FMN1: variants seen among roughly 807,000 people sequenced by gnomAD.
FMN1 encodes the protein formin-1.
FMN1 carries 110 observed loss-of-function variants against 132.4 expected under a neutral mutation model. That is an observed-to-expected ratio of 0.83 (90% confidence interval 0.71 to 0.97). The LOEUF is 0.97. Ranked by LOEUF, FMN1 falls within the 50% of genes least tolerant of loss-of-function variation. The pLI is 0.00. For missense variants in FMN1, 1,792 were observed against 1,705.3 expected (o/e 1.05, Z -0.90); for synonymous variants, 722 against 651.7 (o/e 1.11, Z -1.64).
Position 32,790,119 on chromosome 15 carries a change from G to A in FMN1, c.4130+8685C>T, listed in dbSNP as rs11856673. ...TGCAAATACACAAGAGACTGGAGTA[G>A]ACCAAGCACTCAAAGGAGGAAGCAC... On this transcript the variant is annotated intron_variant, in intron 19 of 20. Transcript: ENST00000616417. Among the ~76,000 whole-genome samples, 443 of 152,346 alleles carry A rather than the reference G, an allele frequency of 2.9e-3. 4 individuals are homozygous for A. Among genetic ancestry groups the A allele is most frequent in the African/African-American group, 0.01 (424 of 41,584 alleles).
chr15:32,901,243 C>A (rs140813365), intron 13 of FMN1, among the ~76,000 whole-genome samples: 1 of 152,066 alleles, frequency 6.6e-6, no homozygotes, highest in African/African-American at 2.4e-5. Flanking sequence ...ATTATTAGTG[C>A]GTGTATAATT....
intron 17 of FMN1, among the ~76,000 whole-genome samples, chr15:32,851,692 A>C (rs551652796): frequency 6.6e-6 from 1 of 152,254 alleles, no homozygotes; most frequent in Non-Finnish European, 1.5e-5. Flanking sequence ...AGTTTTGTCA[A>C]ATAACACTAT....
chr15:32,964,932 T>C (rs1376047699), intron 8 of FMN1, among the ~76,000 whole-genome samples: 1 of 152,084 alleles, frequency 6.6e-6, no homozygotes, highest in Non-Finnish European at 1.5e-5. Context: ...AACTGGGCTG[T>C]TTCATCTTCC....
intron 6 of FMN1, chr15:33,064,288 C>T (rs2037616590): frequency 6.6e-6 from 1 of 152,200 alleles, no homozygotes; most frequent in Non-Finnish European, 1.5e-5. Context: ...TATATACACA[C>T]ACATGCAATT....
chr15:33,190,601 TGTTTAACAACA>T (rs1966041064), intron 2 of FMN1, among the ~76,000 whole-genome samples: 1 of 151,886 alleles, frequency 6.6e-6, no homozygotes, highest in Non-Finnish European at 1.5e-5. Context: ...GCTAAAGGAG[TGTTTAACAACA>T]AGCACTGCTG....
At chr15:33,111,158 CTCTATAAA>C in intron 4 of FMN1, among the ~76,000 whole-genome samples, 1 of 152,220 alleles carries the variant, frequency 6.6e-6, no homozygotes, top group East Asian at 1.9e-4. Context: ...TGCACATGCC[CTCTATAAA>C]TCACACTGAT....
intron 7 of FMN1, among the ~76,000 whole-genome samples, chr15:32,986,160 T>A (rs1260400892): frequency 6.6e-6 from 1 of 152,102 alleles, no homozygotes; most frequent in Non-Finnish European, 1.5e-5. Context: ...ACCAAAAATA[T>A]CCAGTTATGG....
intron 5 of FMN1, chr15:33,068,140 C>T: frequency 4.3e-6 from 3 of 700,008 alleles, no homozygotes; most frequent in Non-Finnish European, 6.2e-6. Flanking sequence ...AGGCTGCGCA[C>T]CTTACTACAC....
At chr15:32,910,212 G>A (rs985723187) in intron 11 of FMN1, among the ~76,000 whole-genome samples, 11 of 152,164 alleles carry the variant, frequency 7.2e-5, no homozygotes, top group Non-Finnish European at 1.6e-4. Flanking sequence ...GACAGGACTG[G>A]GTTCCAGGGC....
intron 9 of FMN1, among the ~76,000 whole-genome samples, chr15:32,942,139 A>G (rs150272148): frequency 6.6e-6 from 1 of 152,352 alleles, no homozygotes; most frequent in Non-Finnish European, 1.5e-5. Context: ...GTACTATTAC[A>G]TCGCCTAAGG....
chr15:32,811,548 A>G (rs2057878535), intron 17 of FMN1, among the ~76,000 whole-genome samples: 1 of 151,970 alleles, frequency 6.6e-6, no homozygotes, highest in Non-Finnish European at 1.5e-5. Context: ...AAAAAAAAAA[A>G]TCCAGTTAAA....
At chr15:33,142,844 G>C (rs2468751) in intron 4 of FMN1, among the ~76,000 whole-genome samples, 31,354 of 152,140 alleles carry the variant, frequency 0.21, 4,077 homozygotes, top group East Asian at 0.61. Flanking sequence ...TGGCCTTCTA[G>C]TTCACCAATG....
chr15:32,928,743 AT>A (rs1193774922), intron 9 of FMN1, among the ~76,000 whole-genome samples: 1 of 152,226 alleles, frequency 6.6e-6, no homozygotes, highest in African/African-American at 2.4e-5. Flanking sequence ...ACAGGATCAA[AT>A]TTATGACAAG....
rs908628522 is a variant in FMN1 at position 32,856,864 on chromosome 15, T to G, written c.3928+151A>C. On this transcript the variant is annotated intron_variant, in intron 17 of 20. Transcript: ENST00000616417. ...ACAGGACAACTTTATCTACCGTGAG[T>G]ATGTAACCACCATGGAAAGATGGGC... 5.0e-5 allele frequency: 31 copies of G among 621,452 alleles called. No individual in the cohort carries two copies. The African/African-American group carries it at 5.7e-4, about 12-fold the overall frequency. The allele number at this position is 621,452 out of a possible 1,614,324, so 38.5% of individuals were successfully genotyped here.
chr15:32,943,753 T>C (rs1326585128), intron 9 of FMN1, among the ~76,000 whole-genome samples: 1 of 152,182 alleles, frequency 6.6e-6, no homozygotes, highest in Admixed American at 6.5e-5. Context: ...AGTATCTTTG[T>C]GAGATGAGAG....
At chr15:33,166,631 C>T (rs550888852) in intron 3 of FMN1, among the ~76,000 whole-genome samples, 1 of 152,196 alleles carries the variant, frequency 6.6e-6, no homozygotes, top group South Asian at 2.1e-4. Flanking sequence ...TGTTTGCTTC[C>T]TTTTTGCTTT....
At chr15:32,881,603 C>T (rs191815119) in intron 16 of FMN1, among the ~76,000 whole-genome samples, 2 of 152,234 alleles carry the variant, frequency 1.3e-5, no homozygotes, top group East Asian at 3.9e-4. Context: ...TGTTTATGGG[C>T]CATGTTTTAA....
rs199509449 is a variant in FMN1 at position 32,928,324 on chromosome 15, G to GC, written c.3139-2064dup. ...AGTAATTTTTTATATGAAAGGAAAA[G>GC]CAAAAAAAAAAGGCAATTAAGCATA... On this transcript the variant is annotated intron_variant, in intron 9 of 20. Coordinates refer to ENST00000616417, the MANE Select transcript of FMN1 (RefSeq NM_001277313.2). 8.6e-3 allele frequency among the ~76,000 whole-genome samples: 1,282 copies of GC among 149,252 alleles called. 14 individuals carry two copies. Among genetic ancestry groups the GC allele is most frequent in the African/African-American group, 0.03 (1,224 of 40,616 alleles).
intron 6 of FMN1, among the ~76,000 whole-genome samples, chr15:33,010,130 C>A (rs1006004906): frequency 6.6e-6 from 1 of 152,116 alleles, no homozygotes; most frequent in Non-Finnish European, 1.5e-5. Flanking sequence ...GTGATTCACC[C>A]CCCTCGGCTT....
Sources: gnomAD v4.1 joint callset for allele counts (sites outside exome capture counted in the v4.1 genomes callset) on GRCh38, gnomAD v4.1.1 for gene constraint, MANE v1.5 for transcripts, NCBI Gene and HGNC (gene_info 2026-07-23, HGNC 2026-07-21) for gene names.